The following KLRG1 variants were observed in gnomAD, a reference collection of about 807,000 sequenced individuals.
KLRG1 encodes the protein killer cell lectin like receptor G1.
In KLRG1, 16 loss-of-function variants were observed where a neutral mutation model predicts 21.8. The ratio of observed to expected loss-of-function variants is 0.73; its 90% CI spans 0.50 to 1.11. The LOEUF (loss-of-function observed/expected upper bound fraction) is 1.11, where lower values mean the gene tolerates loss of function less well. Ranked by LOEUF, KLRG1 falls within the 50% of genes most tolerant of loss-of-function variation. The pLI is 0.00. For missense variants in KLRG1, 173 were observed against 218.3 expected (o/e 0.79, Z 1.31); for synonymous variants, 69 against 75.9 (o/e 0.91, Z 0.47).
chr12:9,150,300 T>A, the KLRG1 span, among the ~76,000 whole-genome samples: 1 of 152,240 alleles, frequency 6.6e-6, no homozygotes, highest in East Asian at 1.9e-4. Flanking sequence ...TTCTTTTTTT[T>A]GAGACGGAGT....
chr12:9,151,783 A>G, the KLRG1 span: 2 of 811,352 alleles, frequency 2.5e-6, no homozygotes, highest in Non-Finnish European at 3.9e-6. Flanking sequence ...GAAGAGAAGA[A>G]AGCTAATTGT....
chr12:9,010,941 C>A (rs1421358562), downstream of KLRG1, among the ~76,000 whole-genome samples: 1 of 152,172 alleles, frequency 6.6e-6, no homozygotes, highest in African/African-American at 2.4e-5. Context: ...AACAAGCTCC[C>A]ATCCCCTAGT....
At chr12:9,090,241 A>G in the KLRG1 span, 1 of 1,526,662 alleles carries the variant, frequency 6.6e-7, no homozygotes, top group Non-Finnish European at 9.0e-7. Flanking sequence ...AGGCAAAGGA[A>G]AAAAATCGCA....
At position 8,995,195 on chromosome 12, in the gene KLRG1, T is replaced by A; in HGVS notation, c.264T>A (p.Tyr88Ter). 1 of 1,613,930 alleles carries A rather than the reference T, an allele frequency of 6.2e-7. No individual in the cohort carries two copies. Among genetic ancestry groups the A allele is most frequent in the South Asian group, 1.1e-5 (1 of 91,034 alleles). Residue 88 changes from tyrosine to a stop codon, truncating the protein, a stop_gained, in exon 3 of 5, where the codon TAT (tyrosine) becomes TAA (stop). Transcript: ENST00000356986. LOFTEE classifies it high-confidence loss of function. Reference sequence around the variant, plus strand: ...TGAAATATGGTAACCATTGTTATTATTTCTCAGTGGAGGAAAAGGACTGGA... The same window carrying A: ...TGAAATATGGTAACCATTGTTATTAATTCTCAGTGGAGGAAAAGGACTGGA... Reference protein sequence around the residue: ...RWMKYGNHCYYFSVEEKDWNS... With the variant: ...RWMKYGNHCY
chr12:9,070,928 C>G, the KLRG1 span, among the ~76,000 whole-genome samples: 1 of 151,856 alleles, frequency 6.6e-6, no homozygotes, highest in East Asian at 1.9e-4. Flanking sequence ...TCAAGTGATT[C>G]TCCTGCCTCA....
the KLRG1 span, among the ~76,000 whole-genome samples, chr12:9,089,680 G>A: frequency 6.6e-6 from 1 of 152,152 alleles, no homozygotes; most frequent in East Asian, 1.9e-4. Context: ...GGCGGAGGTT[G>A]CAGTGAGCAG....
the KLRG1 span, chr12:9,077,417 C>T: frequency 9.4e-5 from 151 of 1,612,558 alleles, no homozygotes; most frequent in African/African-American, 1.9e-3. Flanking sequence ...TCTTCTACTC[C>T]TCCCTGTGAA....
chr12:8,969,403 T>C (rs1248193440), intron 1 of KLRG1, among the ~76,000 whole-genome samples: 1 of 152,160 alleles, frequency 6.6e-6, no homozygotes, highest in Non-Finnish European at 1.5e-5. Context: ...TTGGGAGTTC[T>C]GGGGGAAGAG....
At chr12:8,963,382 G>A (rs1946411674) in intron 1 of KLRG1, among the ~76,000 whole-genome samples, 1 of 152,192 alleles carries the variant, frequency 6.6e-6, no homozygotes, top group Non-Finnish European at 1.5e-5. Context: ...CAGAGATGAA[G>A]CCCACTTGAT....
the KLRG1 span, among the ~76,000 whole-genome samples, chr12:9,125,169 G>T: frequency 6.6e-6 from 1 of 152,220 alleles, no homozygotes; most frequent in Non-Finnish European, 1.5e-5. Flanking sequence ...CCGCTCCAGG[G>T]CCTCCTCTCT....
At chr12:9,165,302 G>A in the KLRG1 span, 5 of 1,614,120 alleles carry the variant, frequency 3.1e-6, no homozygotes, top group Admixed American at 8.3e-5. Context: ...CAGGCAGAAG[G>A]CCCCTGCCTT....
chr12:9,163,955 C>G, the KLRG1 span, among the ~76,000 whole-genome samples: 1 of 152,052 alleles, frequency 6.6e-6, no homozygotes, highest in Non-Finnish European at 1.5e-5. Flanking sequence ...GATAGTGATT[C>G]TGGGGACTAG....
the KLRG1 span, among the ~76,000 whole-genome samples, chr12:9,174,277 TC>T: frequency 1.5e-4 from 23 of 152,040 alleles, no homozygotes; most frequent in African/African-American, 4.6e-4. Context: ...AAATTCAACA[TC>T]CCTTTATGTT....
the KLRG1 span, chr12:9,149,136 T>C: frequency 4.1e-6 from 3 of 733,598 alleles, no homozygotes; most frequent in African/African-American, 1.7e-5. Context: ...TTATATGCCA[T>C]GTGGTCTGTC....
At chr12:8,972,735 C>G (rs1275399267) in intron 1 of KLRG1, among the ~76,000 whole-genome samples, 1 of 152,170 alleles carries the variant, frequency 6.6e-6, no homozygotes, top group Non-Finnish European at 1.5e-5. Flanking sequence ...ATCTTGAAAT[C>G]AGGAAGTGTG....
At chr12:9,019,829 T>A in the KLRG1 span, among the ~76,000 whole-genome samples, 1 of 152,136 alleles carries the variant, frequency 6.6e-6, no homozygotes, top group African/African-American at 2.4e-5. Context: ...TACACAGTCC[T>A]CTTGCCTTCG....
chr12:9,107,391 T>G, the KLRG1 span: 1 of 1,132,684 alleles, frequency 8.8e-7, no homozygotes, highest in Non-Finnish European at 1.2e-6. Context: ...TGATTTTTTT[T>G]GAAAAATTAC....
chr12:9,079,167 C>T, the KLRG1 span: 2 of 1,090,022 alleles, frequency 1.8e-6, no homozygotes, highest in Non-Finnish European at 2.8e-6. Context: ...GATAGTGTTG[C>T]TGTGAATATA....
intron 1 of KLRG1, among the ~76,000 whole-genome samples, chr12:8,991,859 A>G (rs1288822320): frequency 6.6e-6 from 1 of 152,108 alleles, no homozygotes; most frequent in Non-Finnish European, 1.5e-5. Flanking sequence ...TTTCTAGGTC[A>G]AAGGGTACAT....
Sources: allele counts gnomAD v4.1 joint callset (sites outside exome capture counted in the v4.1 genomes callset), GRCh38; gene constraint gnomAD v4.1.1; transcripts MANE v1.5; gene names NCBI Gene and HGNC (gene_info 2026-07-23, HGNC 2026-07-21).